The following TBXAS1 variants were observed in gnomAD, a reference collection of about 807,000 sequenced individuals.
TBXAS1 encodes the protein thromboxane-A synthase.
Under a neutral mutation model 60.7 loss-of-function variants are expected in TBXAS1, and 48 were observed. The ratio of observed to expected loss-of-function variants is 0.79; its 90% CI spans 0.63 to 1.01. The LOEUF (loss-of-function observed/expected upper bound fraction) is 1.01, where lower values mean the gene tolerates loss of function less well. Ranked by LOEUF, TBXAS1 falls within the 50% of genes least tolerant of loss-of-function variation. The pLI, the probability that TBXAS1 is intolerant of heterozygous loss-of-function variation, is 0.00. For synonymous variants in TBXAS1, 287 were observed against 269.7 expected (o/e 1.06, Z -0.63); for missense variants, 685 against 686.3 (o/e 1.00, Z 0.02).
At chr7:139,984,780 GA>G (rs377524020) in intron 9 of TBXAS1, among the ~76,000 whole-genome samples, 4 of 83,356 alleles carry the variant, frequency 4.8e-5, no homozygotes, top group East Asian at 3.4e-4. Context: ...AAGAAAGAAA[GA>G]AAAGAAAGAA....
At chr7:139,792,756 A>C (rs536990990) in intron 4 of TBXAS1, among the ~76,000 whole-genome samples, 1 of 152,322 alleles carries the variant, frequency 6.6e-6, no homozygotes, top group African/African-American at 2.4e-5. Context: ...CATCCAAGTC[A>C]TCAAAGGATG....
intron 4 of TBXAS1, among the ~76,000 whole-genome samples, chr7:139,822,778 C>T (rs1292332344): frequency 6.6e-6 from 1 of 152,164 alleles, no homozygotes; most frequent in East Asian, 1.9e-4. Flanking sequence ...CCAGCCCTCT[C>T]TTGCTCATTT....
At chr7:139,881,120 A>G (rs1246496222) in intron 3 of TBXAS1, among the ~76,000 whole-genome samples, 1 of 152,184 alleles carries the variant, frequency 6.6e-6, no homozygotes, top group Admixed American at 6.5e-5. Flanking sequence ...CTGTTGGGTT[A>G]TTGATCTTTT....
Position 139,891,528 on chromosome 7 carries a change from C to T in TBXAS1, c.236+15891C>T, listed in dbSNP as rs1217469335. Among the ~76,000 whole-genome samples, 4 of 152,298 alleles carry T rather than the reference C, an allele frequency of 2.6e-5. No individual in the cohort carries two copies. The East Asian group carries it at 7.7e-4, about 29-fold the overall frequency. On this transcript the variant is annotated intron_variant, in intron 3 of 12. Transcript: ENST00000448866. ...TTATTAATCCAAAGCTCTTTCCATT[C>T]CACTGCCTCTTCTTGCTGTTTCTTC... is the stretch of plus-strand genomic sequence containing the variant.
intron 9 of TBXAS1, among the ~76,000 whole-genome samples, chr7:139,988,659 A>AG (rs1812676456): frequency 6.6e-6 from 1 of 151,902 alleles, no homozygotes; most frequent in African/African-American, 2.4e-5. Context: ...GCCCCTCCAA[A>AG]GCCTCCTTTG....
In TBXAS1 at chr7:139,852,935, TACACACACACACAC is replaced by T. The variant is rs57545948; in HGVS notation, c.90-19258_90-19245del. Among the ~76,000 whole-genome samples the T allele has an allele frequency of 0.11, 14,079 of 127,412 alleles. 1,270 individuals are homozygous for T. Among genetic ancestry groups the T allele is most frequent in the African/African-American group, 0.26 (8,913 of 34,572 alleles). The allele number at this position is 127,412 out of a possible 152,430, so 83.6% of individuals were successfully genotyped here. ...TGTGTACCAACCTTGGCTACTCCAA[TACACACACACACAC>T]ACACACACACACACACACACACACA... is the stretch of plus-strand genomic sequence containing the variant. On this transcript the variant is annotated intron_variant, in intron 1 of 12. Coordinates refer to ENST00000448866, the MANE Select transcript of TBXAS1 (RefSeq NM_001061.7). This position sits in a 1 kb window ranked among gnomAD's most constrained non-coding sequence, Gnocchi z 4.4.
chr7:139,867,074 A>T (rs1029141668), intron 1 of TBXAS1, among the ~76,000 whole-genome samples: 1 of 152,252 alleles, frequency 6.6e-6, no homozygotes, highest in Non-Finnish European at 1.5e-5. Flanking sequence ...GGCAAAGCCC[A>T]TGAGGGCATG....
At chr7:139,914,487 A>T (rs1805809179) in intron 4 of TBXAS1, among the ~76,000 whole-genome samples, 1 of 152,096 alleles carries the variant, frequency 6.6e-6, no homozygotes, top group Non-Finnish European at 1.5e-5. Flanking sequence ...GAGTTGGGGG[A>T]TATGATCCAC....
intron 1 of TBXAS1, among the ~76,000 whole-genome samples, chr7:139,861,842 G>A (rs1800989378): frequency 1.3e-5 from 2 of 152,154 alleles, no homozygotes; most frequent in African/African-American, 2.4e-5. Flanking sequence ...GGTTCCTTCT[G>A]GGGGATCCAG....
chr7:139,981,916 G>A (rs543539927), intron 9 of TBXAS1, among the ~76,000 whole-genome samples: 1 of 152,350 alleles, frequency 6.6e-6, no homozygotes, highest in African/African-American at 2.4e-5. Context: ...TTATTGGAGT[G>A]TGATGACAGA....
intron 3 of TBXAS1, among the ~76,000 whole-genome samples, chr7:139,886,951 G>C (rs987375120): frequency 1.3e-5 from 2 of 152,132 alleles, no homozygotes; most frequent in Non-Finnish European, 2.9e-5. Flanking sequence ...GTCCTCCTCT[G>C]TGTAGGAGCC....
chr7:139,902,972 G>A (rs1804694070), intron 3 of TBXAS1, among the ~76,000 whole-genome samples: 1 of 152,000 alleles, frequency 6.6e-6, no homozygotes, highest in Non-Finnish European at 1.5e-5. Flanking sequence ...GTTATTGGGG[G>A]TACAGGTAGT....
At position 139,898,413 on chromosome 7, in the gene TBXAS1, C is replaced by CTTTTTTT. The variant is rs71170921; in HGVS notation, c.237-12786_237-12780dup. Among the ~76,000 whole-genome samples, 40 of 82,252 alleles carry CTTTTTTT rather than the reference C, an allele frequency of 4.9e-4. 4 individuals are homozygous for CTTTTTTT. The highest frequency in any genetic ancestry group is 9.8e-3 in the Middle Eastern group (1 of 102). The allele number at this position is 82,252 out of a possible 152,430, so 54.0% of individuals were successfully genotyped here. On this transcript the variant is annotated intron_variant, in intron 3 of 12. Transcript: ENST00000448866. Reference sequence around the variant, plus strand: ...ATCAGAAGTTTCCCAACGTGCATGGCTTTTTTTTTTTTTTTTTTTTTTTTT... The same window carrying CTTTTTTT: ...ATCAGAAGTTTCCCAACGTGCATGGCTTTTTTTTTTTTTTTTTTTTTTTTTTTTTTTT...
At chr7:139,922,081 T>C (rs1180982696) in intron 4 of TBXAS1, among the ~76,000 whole-genome samples, 1 of 151,946 alleles carries the variant, frequency 6.6e-6, no homozygotes, top group Non-Finnish European at 1.5e-5. Context: ...ACCATGTCAT[T>C]GAGAACTTTT....
At chr7:139,893,090 A>T (rs1438823075) in intron 3 of TBXAS1, among the ~76,000 whole-genome samples, 1 of 151,994 alleles carries the variant, frequency 6.6e-6, no homozygotes, top group Non-Finnish European at 1.5e-5. Flanking sequence ...TTCTTTTGCC[A>T]TTAAATTTTC....
intron 5 of TBXAS1, among the ~76,000 whole-genome samples, chr7:139,945,661 T>G (rs1448020883): frequency 1.3e-5 from 2 of 152,200 alleles, no homozygotes; most frequent in South Asian, 2.1e-4. Flanking sequence ...ATATTGAGAG[T>G]GTATTAGTTA....
chr7:139,918,489 C>T (rs1308851693), intron 4 of TBXAS1, among the ~76,000 whole-genome samples: 2 of 152,186 alleles, frequency 1.3e-5, no homozygotes, highest in African/African-American at 2.4e-5. Flanking sequence ...CCTTCTTGAA[C>T]ACTGCTTCTG....
At chr7:139,988,477 C>T (rs2117577030) in intron 9 of TBXAS1, among the ~76,000 whole-genome samples, 1 of 152,316 alleles carries the variant, frequency 6.6e-6, no homozygotes, top group East Asian at 1.9e-4. Context: ...CCTACCAGCT[C>T]CCTTTGTGTT....
chr7:139,998,656 A>G (rs1392817673), intron 9 of TBXAS1, among the ~76,000 whole-genome samples: 2 of 152,236 alleles, frequency 1.3e-5, no homozygotes, highest in African/African-American at 4.8e-5. Context: ...TGAGCAATAA[A>G]GTGTTTCACA....
Sources: gnomAD v4.1 joint callset for allele counts (sites outside exome capture counted in the v4.1 genomes callset) on GRCh38, gnomAD v4.1.1 for gene constraint, Gnocchi (gnomAD v3.1) non-coding constraint, MANE v1.5 for transcripts, NCBI Gene and HGNC (gene_info 2026-07-23, HGNC 2026-07-21) for gene names.